The following PHACTR1 variants were observed in gnomAD, a reference collection of about 807,000 sequenced individuals.
PHACTR1 encodes phosphatase and actin regulator 1.
Under a neutral mutation model 69.2 loss-of-function variants are expected in PHACTR1, and 16 were observed. That is an observed-to-expected ratio of 0.23 (90% confidence interval 0.16 to 0.35). The LOEUF (loss-of-function observed/expected upper bound fraction) is 0.35. Among genes scored for constraint, PHACTR1 ranks in the 10% least tolerant of loss-of-function variants. PHACTR1 has a pLI of 1.00. For synonymous variants in PHACTR1, 312 were observed against 284.5 expected, an observed-to-expected ratio of 1.10 and a Z score of -0.97; for missense variants, 510 against 734.7, an observed-to-expected ratio of 0.69 and a Z score of 3.54.
At chr6:12,776,577 G>C (rs768535225) in intron 4 of PHACTR1, among the ~76,000 whole-genome samples, 15 of 152,196 alleles carry the variant, frequency 9.9e-5, no homozygotes, top group Non-Finnish European at 1.9e-4. Flanking sequence ...AATGCCTTGT[G>C]TTGCTTAGAA....
At chr6:13,195,106 C>G (rs545072993) in intron 7 of PHACTR1, among the ~76,000 whole-genome samples, 1 of 152,340 alleles carries the variant, frequency 6.6e-6, no homozygotes, top group East Asian at 1.9e-4. Context: ...GGCGAGTGAT[C>G]ATCCCTAGGC....
chr6:13,203,576 T>C (rs1227485389), intron 7 of PHACTR1, among the ~76,000 whole-genome samples: 1 of 152,204 alleles, frequency 6.6e-6, no homozygotes, highest in African/African-American at 2.4e-5. Flanking sequence ...TCCCACTCTC[T>C]TTCCACAGAG....
chr6:12,997,416 A>T (rs1473675287), intron 4 of PHACTR1, among the ~76,000 whole-genome samples: 2 of 149,026 alleles, frequency 1.3e-5, no homozygotes, highest in African/African-American at 4.9e-5. Flanking sequence ...ATATAGATAA[A>T]TATATGGGGG....
rs148553493 is a variant in PHACTR1, at chr6:12,892,222, G to A, written c.250+142432G>A. On this transcript the variant is annotated intron_variant, in intron 4 of 14. Coordinates refer to ENST00000332995, the MANE Select transcript of PHACTR1 (RefSeq NM_030948.6). ...AGTTTGAATTTTCTTGTCAAAATTC[G>A]TAGTCTTTGCCAAAGGAGGACATTA... Among the ~76,000 whole-genome samples the A allele has an allele frequency of 9.0e-4, 137 of 151,476 alleles. 1 individual carries two copies. The highest frequency in any genetic ancestry group is 1.7e-3 in the Non-Finnish European group (118 of 67,788).
intron 5 of PHACTR1, among the ~76,000 whole-genome samples, chr6:13,073,888 T>C (rs1194852678): frequency 6.6e-6 from 1 of 151,470 alleles, no homozygotes; most frequent in Non-Finnish European, 1.5e-5. Flanking sequence ...TTTTTTTTTT[T>C]CTGAGATGGA....
chr6:12,838,604 C>T (rs1343469028), intron 4 of PHACTR1, among the ~76,000 whole-genome samples: 2 of 152,112 alleles, frequency 1.3e-5, no homozygotes, highest in African/African-American at 4.8e-5. Context: ...ATGGGAGGCC[C>T]TCATGTTCTC....
chr6:12,753,393 A>G (rs1766860309), intron 4 of PHACTR1, among the ~76,000 whole-genome samples: 1 of 152,238 alleles, frequency 6.6e-6, no homozygotes, highest in Non-Finnish European at 1.5e-5. Context: ...GAAAAACTCT[A>G]TAATTACATA....
At chr6:13,155,041 A>G (rs562345477) in intron 5 of PHACTR1, among the ~76,000 whole-genome samples, 1 of 152,100 alleles carries the variant, frequency 6.6e-6, no homozygotes, top group East Asian at 1.9e-4. Flanking sequence ...ACAGTATTTT[A>G]CTTCCTGGAG....
At chr6:12,842,839 C>G (rs1042781158) in intron 4 of PHACTR1, among the ~76,000 whole-genome samples, 2 of 152,110 alleles carry the variant, frequency 1.3e-5, no homozygotes, top group African/African-American at 4.8e-5. Flanking sequence ...GCTACCACAC[C>G]CGGCCTAAAG....
rs950456793 is a variant in PHACTR1 at position 12,920,724 on chromosome 6, C to T, written c.251-132641C>T. The stretch of plus-strand genomic sequence containing the variant: ...CCTTTGAACAAGGCCAAGGCCAGGC[C>T]AAGGTGAAGTAGGAGCAAAATAAAC... On this transcript the variant is annotated intron_variant, in intron 4 of 14. Coordinates refer to ENST00000332995, the MANE Select transcript of PHACTR1 (RefSeq NM_030948.6). Among the ~76,000 whole-genome samples the T allele has an allele frequency of 5.3e-4, 80 of 152,290 alleles. 1 individual carries two copies. Among genetic ancestry groups the T allele is most frequent in the Non-Finnish European group, 8.8e-5 (6 of 68,032 alleles).
At chr6:13,074,487 T>A (rs1810099321) in intron 5 of PHACTR1, among the ~76,000 whole-genome samples, 1 of 152,198 alleles carries the variant, frequency 6.6e-6, no homozygotes. Flanking sequence ...TTAGATGCAC[T>A]TACCCTTGAC....
At chr6:12,795,347 G>C (rs754345607) in intron 4 of PHACTR1, among the ~76,000 whole-genome samples, 1 of 152,170 alleles carries the variant, frequency 6.6e-6, no homozygotes, top group Non-Finnish European at 1.5e-5. Flanking sequence ...GTAACTAGCT[G>C]TGTCAATTAA....
chr6:12,797,490 G>A (rs1159628064), intron 4 of PHACTR1, among the ~76,000 whole-genome samples: 1 of 152,166 alleles, frequency 6.6e-6, no homozygotes, highest in Non-Finnish European at 1.5e-5. Flanking sequence ...AGTCATTCCT[G>A]TGCACCTTCT....
At chr6:12,729,882 G>A (rs1302552150) in intron 3 of PHACTR1, among the ~76,000 whole-genome samples, 1 of 152,164 alleles carries the variant, frequency 6.6e-6, no homozygotes, top group East Asian at 1.9e-4. Flanking sequence ...GACAAAGTAG[G>A]TAGACAGAGA....
At chr6:13,257,437 ATCTT>A (rs1246472597) in intron 10 of PHACTR1, among the ~76,000 whole-genome samples, 3 of 152,248 alleles carry the variant, frequency 2.0e-5, no homozygotes, top group Non-Finnish European at 4.4e-5. Flanking sequence ...CATCATAATC[ATCTT>A]TCTAATTCCC....
chr6:12,900,464 G>A (rs1379574725), intron 4 of PHACTR1, among the ~76,000 whole-genome samples: 3 of 152,170 alleles, frequency 2.0e-5, no homozygotes, highest in African/African-American at 4.8e-5. Flanking sequence ...AAGCTGAGGT[G>A]AGTGGATTGC....
At chr6:13,273,889 C>G (rs1284745732) in intron 11 of PHACTR1, 1 of 148,762 alleles carries the variant, frequency 6.7e-6, no homozygotes, top group African/African-American at 2.5e-5. Context: ...AGACTGACTC[C>G]TTGCCTCCCC....
chr6:13,177,455 GTA>G (rs540825034), intron 6 of PHACTR1, among the ~76,000 whole-genome samples: 7 of 149,096 alleles, frequency 4.7e-5, no homozygotes, highest in African/African-American at 1.7e-4. Flanking sequence ...GTGTGTGTGT[GTA>G]TATATATATA....
At chr6:12,764,878 G>A (rs1014532949) in intron 4 of PHACTR1, among the ~76,000 whole-genome samples, 1 of 152,164 alleles carries the variant, frequency 6.6e-6, no homozygotes, top group African/African-American at 2.4e-5. Context: ...TGGTCTGAGT[G>A]CTCTTGGTGG....
Sources: gnomAD v4.1 joint callset for allele counts (sites outside exome capture counted in the v4.1 genomes callset) on GRCh38, gnomAD v4.1.1 for gene constraint, MANE v1.5 for transcripts, NCBI Gene and HGNC (gene_info 2026-07-23, HGNC 2026-07-21) for gene names.